CLEC16A: variants seen among roughly 807,000 people sequenced by gnomAD.
The protein encoded by CLEC16A is protein CLEC16A.
A neutral mutation model predicts 109.5 loss-of-function variants in CLEC16A; 51 were observed. The observed-to-expected ratio is 0.47, with a 90% CI of 0.37 to 0.59. The LOEUF (loss-of-function observed/expected upper bound fraction) is 0.59, where lower values mean the gene tolerates loss of function less well. Ranked by LOEUF, CLEC16A falls within the 20% of genes least tolerant of loss-of-function variation. CLEC16A has a pLI of 0.00. For synonymous variants in CLEC16A, 673 were observed against 564.2 expected (o/e 1.19, Z -2.73); for missense variants, 1,339 against 1,394.0 (o/e 0.96, Z 0.63).
At chr16:11,006,727 T>A (rs2045041571) in intron 11 of CLEC16A, among the ~76,000 whole-genome samples, 1 of 152,180 alleles carries the variant, frequency 6.6e-6, no homozygotes, top group South Asian at 2.1e-4. Context: ...TTGTTGTTAT[T>A]TTTTATAAAT....
At chr16:11,135,049 G>A (rs1470238059) in intron 22 of CLEC16A, among the ~76,000 whole-genome samples, 2 of 152,260 alleles carry the variant, frequency 1.3e-5, no homozygotes, top group Non-Finnish European at 2.9e-5. Flanking sequence ...TTCCTGCACA[G>A]GTTTGTCCCT....
intron 22 of CLEC16A, chr16:11,149,780 C>T (rs1399799582): frequency 9.7e-6 from 1 of 103,252 alleles, no homozygotes; most frequent in African/African-American, 4.8e-5. Flanking sequence ...CAAAGTGAGA[C>T]TGTCTTAAAA....
At chr16:10,965,014 G>A (rs558543299) in intron 3 of CLEC16A, among the ~76,000 whole-genome samples, 3 of 152,092 alleles carry the variant, frequency 2.0e-5, no homozygotes, top group Non-Finnish European at 4.4e-5. Flanking sequence ...ATCGTGCGTC[G>A]TACCCTTTGA....
chr16:10,973,770 C>T (rs1342484247), intron 7 of CLEC16A, among the ~76,000 whole-genome samples: 1 of 150,978 alleles, frequency 6.6e-6, no homozygotes. Flanking sequence ...GGGGTTTCGT[C>T]ATGTTGCCCA....
At chr16:11,022,921 A>G (rs1354019245) in intron 12 of CLEC16A, among the ~76,000 whole-genome samples, 5 of 135,516 alleles carry the variant, frequency 3.7e-5, no homozygotes, top group African/African-American at 8.9e-5. Flanking sequence ...ATATATATAT[A>G]TATGTATATA....
rs1333684512 is a variant in CLEC16A, at chr16:11,182,003, G to A, written c.*3313G>A. On this transcript the variant is annotated 3_prime_UTR_variant, in exon 24 of 24. Transcript: ENST00000409790. Reference sequence around the variant, plus strand: ...AGCTAAAAATATGTAAATAATTTTTGTCCCAGTGAGAACCGAGGGTTAGAA... The same window carrying A: ...AGCTAAAAATATGTAAATAATTTTTATCCCAGTGAGAACCGAGGGTTAGAA... 6.6e-6 allele frequency: 1 copy of A among 152,546 alleles called. No individual in the cohort carries two copies. The highest frequency in any genetic ancestry group is 2.4e-5 in the African/African-American group (1 of 41,438). The allele number at this position is 152,546 out of a possible 1,614,324, so 9.4% of individuals were successfully genotyped here. A position where few individuals can be genotyped will look rare whatever the true frequency, so the allele number is the denominator to read the frequency against.
intron 19 of CLEC16A, among the ~76,000 whole-genome samples, chr16:11,106,271 T>C (rs941258269): frequency 2.0e-5 from 3 of 152,148 alleles, no homozygotes; most frequent in Non-Finnish European, 4.4e-5. Context: ...ACTTGTCTTA[T>C]CACGTATCTA....
chr16:11,131,029 G>GAAA (rs112694398), intron 22 of CLEC16A, among the ~76,000 whole-genome samples: 3 of 150,182 alleles, frequency 2.0e-5, no homozygotes, highest in African/African-American at 7.3e-5. Context: ...ATTTGGCTCA[G>GAAA]AAAAAAAAAA....
In CLEC16A at chr16:11,044,287, G is replaced by A. The variant is rs1488427618; in HGVS notation, c.1815+215G>A. On this transcript the variant is annotated intron_variant, in intron 16 of 23. Coordinates refer to ENST00000409790, the MANE Select transcript of CLEC16A (RefSeq NM_015226.3). Reference sequence around the variant, plus strand: ...TATCAGTAAAATTTTTGAGGACTCAGCCCCAGTATATGATAATTTGTTTCT... The same window carrying A: ...TATCAGTAAAATTTTTGAGGACTCAACCCCAGTATATGATAATTTGTTTCT... The A allele has an allele frequency of 1.8e-5, 7 of 385,188 alleles. No homozygotes were observed. The Admixed American group carries it at 3.0e-4, about 17-fold the overall frequency. 23.9% of individuals were successfully genotyped at this position (385,188 alleles called of 1,614,324 possible).
intron 17 of CLEC16A, among the ~76,000 whole-genome samples, chr16:11,049,249 G>T (rs988152157): frequency 6.6e-6 from 1 of 151,900 alleles, no homozygotes; most frequent in Non-Finnish European, 1.5e-5. Flanking sequence ...CTCGTGATCC[G>T]CCCGCCTTGG....
intron 19 of CLEC16A, among the ~76,000 whole-genome samples, chr16:11,086,819 T>C (rs1567298802): frequency 6.6e-6 from 1 of 152,162 alleles, no homozygotes; most frequent in Non-Finnish European, 1.5e-5. Context: ...TTCCTGCCTT[T>C]CCAGAGCCTG....
intron 19 of CLEC16A, among the ~76,000 whole-genome samples, chr16:11,061,783 G>A (rs1597249605): frequency 6.6e-6 from 1 of 152,324 alleles, no homozygotes; most frequent in East Asian, 1.9e-4. Context: ...ATTGGCTGAT[G>A]TCACTGGGAA....
intron 10 of CLEC16A, among the ~76,000 whole-genome samples, chr16:10,999,231 C>T (rs2044513716): frequency 6.6e-6 from 1 of 152,142 alleles, no homozygotes; most frequent in Non-Finnish European, 1.5e-5. Context: ...GCTCCACACC[C>T]AGCTGAATGT....
chr16:11,031,761 A>G (rs1009289032), intron 13 of CLEC16A, among the ~76,000 whole-genome samples: 12 of 152,212 alleles, frequency 7.9e-5, no homozygotes, highest in African/African-American at 2.9e-4. Flanking sequence ...GAGAAGTGCA[A>G]CAGTGAAAAT....
intron 19 of CLEC16A, among the ~76,000 whole-genome samples, chr16:11,078,220 G>A (rs2049500221): frequency 2.0e-5 from 3 of 152,046 alleles, no homozygotes; most frequent in Non-Finnish European, 4.4e-5. Context: ...TTCTGGCCCA[G>A]CAGGACTTTG....
In CLEC16A at chr16:10,969,168, G is replaced by T; in HGVS notation, c.351G>T (p.Leu117Phe). 1 of 1,607,294 alleles carries T rather than the reference G, an allele frequency of 6.2e-7. No homozygotes were observed. Residue 117 changes from leucine to phenylalanine, a missense_variant, in exon 4 of 24, where the codon TTG becomes TTT. Leu to Phe is a conservative substitution (Grantham distance 22). Transcript: ENST00000409790. ...NISHETSLYY[L>F]LSNNYVNSII... Reference sequence around the variant, plus strand: ...GTTTTTTTCTCCCTCTAGATTATTTGCTCTCAAATAACTACGTAAATTCTA... The same window carrying T: ...GTTTTTTTCTCCCTCTAGATTATTTTCTCTCAAATAACTACGTAAATTCTA...
chr16:11,077,465 C>CT (rs1452434965), intron 19 of CLEC16A, among the ~76,000 whole-genome samples: 2 of 131,504 alleles, frequency 1.5e-5, no homozygotes, highest in Non-Finnish European at 3.1e-5. Context: ...GAGTGAGACT[C>CT]TGTCTCAAAA....
rs200900880 is a variant in CLEC16A, at chr16:10,977,290, A to G, written c.794A>G (p.Asn265Ser). The G allele has an allele frequency of 2.2e-5, 36 of 1,613,898 alleles. No individual in the cohort carries two copies. In the Admixed American group the frequency reaches 2.3e-4, roughly 10 times the overall value. The change falls in exon 8 of 24, where the codon AAT (asparagine) becomes AGT (serine). Residue 265 changes from asparagine to serine, a missense_variant. Asn to Ser is a conservative substitution (Grantham distance 46). This residue lies in a region of CLEC16A where 161 missense variants were observed against 267.1 expected (regional missense o/e 0.60). Coordinates refer to ENST00000409790, the MANE Select transcript of CLEC16A (RefSeq NM_015226.3). Reference protein sequence around the residue: ...AEHLDHLHYLNDILIINCEFL... With the variant: ...AEHLDHLHYLSDILIINCEFL... Reference sequence around the variant, plus strand: ...CACCTAGACCACCTGCACTATCTCAATGACATCCTGATCATCAACTGTGAG... The same window carrying G: ...CACCTAGACCACCTGCACTATCTCAGTGACATCCTGATCATCAACTGTGAG...
At chr16:10,980,807 C>G (rs534728768) in intron 9 of CLEC16A, among the ~76,000 whole-genome samples, 1 of 152,126 alleles carries the variant, frequency 6.6e-6, no homozygotes, top group South Asian at 2.1e-4. Context: ...AAAATGTGAC[C>G]TAAATGTGTG....
Sources: gnomAD v4.1 joint callset for allele counts (sites outside exome capture counted in the v4.1 genomes callset) on GRCh38, gnomAD v4.1.1 for gene constraint, gnomAD v4.1.1 regional missense constraint, MANE v1.5 for transcripts, NCBI Gene and HGNC (gene_info 2026-07-23, HGNC 2026-07-21) for gene names.